Variants in MTERF4 observed in about 807,000 individuals in gnomAD.
MTERF4 encodes the protein mitochondrial transcription termination factor 4.
Under a neutral mutation model 22.5 loss-of-function variants are expected in MTERF4, and 17 were observed. The observed-to-expected ratio is 0.75, with a 90% confidence interval of 0.52 to 1.13. The LOEUF (loss-of-function observed/expected upper bound fraction) is 1.13, where lower values mean the gene tolerates loss of function less well. MTERF4 is among the 50% of genes most tolerant of loss of function. The probability of loss-of-function intolerance (pLI) is 0.00; values close to 1 mark genes in which losing one functional copy is unlikely to be tolerated. For missense variants in MTERF4, 420 were observed against 466.8 expected, an observed-to-expected ratio of 0.90 and a Z score of 0.92; for synonymous variants, 165 against 175.3, an observed-to-expected ratio of 0.94 and a Z score of 0.47.
intron 1 of MTERF4, 22 bp from the exon 2 acceptor site, chr2:241,099,916 G>T: frequency 6.2e-7 from 1 of 1,604,342 alleles, no homozygotes; most frequent in Non-Finnish European, 8.5e-7. Flanking sequence ...AGGACCAAAA[G>T]ACAATTAATT....
chr2:241,060,070 G>A, the MTERF4 span, among the ~76,000 whole-genome samples: 1 of 152,312 alleles, frequency 6.6e-6, no homozygotes, highest in Admixed American at 6.5e-5. Flanking sequence ...TATAGAACCT[G>A]TTGTAGCAGT....
downstream of MTERF4, chr2:241,068,842 G>C: frequency 9.0e-7 from 1 of 1,106,444 alleles, no homozygotes; most frequent in Non-Finnish European, 1.3e-6. The surrounding 1 kb of genome is among the most constrained non-coding windows in gnomAD (Gnocchi z 5.3). Context: ...GGGGAGCTGC[G>C]GTCTGGCAGC....
In MTERF4 at chr2:241,097,032, A is replaced by C. The variant is rs894212217; in HGVS notation, c.705+211T>G. Reference sequence around the variant, plus strand: ...ATTTCTCTTTGGCTGATGTATGCAGAGAATCTAGTCTTTCACTTCCTCCAC... The same window carrying C: ...ATTTCTCTTTGGCTGATGTATGCAGCGAATCTAGTCTTTCACTTCCTCCAC... On this transcript the variant is annotated intron_variant, in intron 3 of 3. Coordinates refer to ENST00000391980, the MANE Select transcript of MTERF4 (RefSeq NM_182501.4). 1.1e-5 allele frequency: 7 copies of C among 612,018 alleles called. No individual in the cohort carries two copies. In the African/African-American group the frequency reaches 1.3e-4, roughly 11 times the overall value. 37.9% of individuals were successfully genotyped at this position (612,018 alleles called of 1,614,324 possible). A position where few individuals can be genotyped will look rare whatever the true frequency, so the allele number is the denominator to read the frequency against.
chr2:241,089,289 C>A, downstream of MTERF4: 1 of 1,548,636 alleles, frequency 6.5e-7, no homozygotes, highest in Non-Finnish European at 8.7e-7. Flanking sequence ...CACAGTTCAT[C>A]TTCCTGGTGG....
chr2:241,082,363 G>C (rs376890393), downstream of MTERF4: 1 of 1,612,142 alleles, frequency 6.2e-7, no homozygotes, highest in South Asian at 1.1e-5. Flanking sequence ...CTGTCACCAC[G>C]TGTAAGTTGG....
the MTERF4 span, chr2:241,049,247 G>A: frequency 6.6e-6 from 5 of 760,216 alleles, no homozygotes; most frequent in East Asian, 5.4e-5. Context: ...TCTGACTCTC[G>A]GGAGAGCTGG....
the MTERF4 span, among the ~76,000 whole-genome samples, chr2:241,046,285 C>T: frequency 1.3e-5 from 2 of 152,138 alleles, no homozygotes; most frequent in Non-Finnish European, 2.9e-5. Flanking sequence ...ATAATATGCC[C>T]CAGCAATCCC....
At chr2:241,077,691 C>T (rs2063095422) in intron 4 of MTERF4, among the ~76,000 whole-genome samples, 2 of 152,082 alleles carry the variant, frequency 1.3e-5, no homozygotes, top group Admixed American at 1.3e-4. Flanking sequence ...GGCAAAGGAC[C>T]TAAAAAGACA....
At chr2:241,071,070 T>TGAGAGG (rs1392818563), downstream of MTERF4, among the ~76,000 whole-genome samples, 1 of 150,536 alleles carries the variant, frequency 6.6e-6, no homozygotes, top group Non-Finnish European at 1.5e-5. Flanking sequence ...GGCGTCAGAG[T>TGAGAGG]GAGAGGGAGA....
At chr2:241,077,940 T>C (rs1159243379) in intron 4 of MTERF4, among the ~76,000 whole-genome samples, 1 of 152,132 alleles carries the variant, frequency 6.6e-6, no homozygotes, top group African/African-American at 2.4e-5. Context: ...ATTAAACCAA[T>C]AGTTACCGCA....
At chr2:241,051,616 A>C in the MTERF4 span, 1 of 727,726 alleles carries the variant, frequency 1.4e-6, no homozygotes, top group South Asian at 2.4e-5. The surrounding 1 kb of genome is among the most constrained non-coding windows in gnomAD (Gnocchi z 4.7). Context: ...TGCTGCAGCC[A>C]GGCCCCAGGG....
At chr2:241,079,439 G>A (rs902635743) in intron 4 of MTERF4, among the ~76,000 whole-genome samples, 2 of 150,620 alleles carry the variant, frequency 1.3e-5, no homozygotes, top group East Asian at 3.9e-4. Flanking sequence ...GTAACGTGCA[G>A]AACAGTGTTT....
downstream of MTERF4, among the ~76,000 whole-genome samples, chr2:241,067,566 T>C (rs74000341): frequency 0.021 from 3,150 of 151,746 alleles, 120 homozygotes; most frequent in African/African-American, 0.073. Flanking sequence ...TCACAGCGGG[T>C]TCTGCAGCTG....
downstream of MTERF4, chr2:241,070,324 T>C: frequency 9.6e-7 from 1 of 1,041,732 alleles, no homozygotes; most frequent in Non-Finnish European, 1.4e-6. Flanking sequence ...AACAGGACCG[T>C]GTTAGCAGGG....
the MTERF4 span, among the ~76,000 whole-genome samples, chr2:241,056,465 T>C: frequency 7.0e-6 from 1 of 143,108 alleles, no homozygotes; most frequent in Non-Finnish European, 1.5e-5. Flanking sequence ...ACAAAATGGA[T>C]ACAACAGAAG....
chr2:241,048,523 A>G, the MTERF4 span: 62 of 1,511,256 alleles, frequency 4.1e-5, no homozygotes, highest in Non-Finnish European at 5.4e-5. Flanking sequence ...CATGCAGGAA[A>G]CGCCCCGAAA....
At chr2:241,090,576 G>A (rs2063885330), downstream of MTERF4, 15 of 1,069,236 alleles carry the variant, frequency 1.4e-5, no homozygotes, top group South Asian at 2.6e-4. Flanking sequence ...CAGTAGGTTT[G>A]TATACACCAG....
chr2:241,099,471 G>C lies in MTERF4; in HGVS notation c.445C>G (p.Pro149Ala). Residue 149 changes from proline to alanine, a missense_variant, in exon 2 of 4, where the codon CCC (proline) becomes GCC (alanine). Coordinates refer to ENST00000391980, the MANE Select transcript of MTERF4 (RefSeq NM_182501.4). ...EPVCVVLKKS[P>A]QLLKLPIMQM... is the part of the protein sequence containing the mutation. ...ATAATAGGCAGTTTCAATAACTGGG[G>C]ACTTTTCTTCAAGACCACACACACA... 1 of 1,614,192 alleles carries C rather than the reference G, an allele frequency of 6.2e-7. No individual in the cohort carries two copies. Among genetic ancestry groups the C allele is most frequent in the Non-Finnish European group, 8.5e-7 (1 of 1,180,052 alleles).
intron 1 of MTERF4, among the ~76,000 whole-genome samples, chr2:241,100,522 G>A (rs1014648735): frequency 1.2e-4 from 18 of 152,074 alleles, no homozygotes; most frequent in African/African-American, 3.9e-4. Context: ...GGAGTGCAGT[G>A]GTGCAATCAT....
Sources: allele counts gnomAD v4.1 joint callset (sites outside exome capture counted in the v4.1 genomes callset), GRCh38; gene constraint gnomAD v4.1.1; non-coding constraint Gnocchi (gnomAD v3.1); transcripts MANE v1.5; gene names NCBI Gene and HGNC (gene_info 2026-07-23, HGNC 2026-07-21).